The following AKT2 variants were observed in gnomAD, a reference collection of about 807,000 sequenced individuals.
AKT2 encodes the protein AKT serine/threonine kinase 2.
AKT2 carries 16 observed loss-of-function variants against 58.6 expected under a neutral mutation model. The observed-to-expected ratio is 0.27, with a 90% confidence interval of 0.18 to 0.41. The LOEUF (loss-of-function observed/expected upper bound fraction) is 0.41. AKT2 is among the 10% of genes least tolerant of loss of function. AKT2 has a pLI of 1.00. For missense variants in AKT2, 438 were observed against 661.0 expected (o/e 0.66, Z 3.70); for synonymous variants, 253 against 254.0 (o/e 1.00, Z 0.04).
At chr19:40,272,358 G>A (rs368222695) in intron 1 of AKT2, among the ~76,000 whole-genome samples, 1 of 152,158 alleles carries the variant, frequency 6.6e-6, no homozygotes, top group Non-Finnish European at 1.5e-5. Flanking sequence ...CTAATGCAGG[G>A]AAGGGCTCAG....
Position 40,236,243 on chromosome 19 carries a change from C to A in AKT2, c.960+14G>T. The A allele has an allele frequency of 6.2e-7, 1 of 1,613,722 alleles. No individual in the cohort carries two copies. On this transcript the variant is annotated intron_variant, in intron 10 of 13. Transcript: ENST00000392038. ...TTGGCCTCACACGTTCCTACCCCCA[C>A]CAACCCCAGACACCTCAGGCGCCAG... is the stretch of plus-strand genomic sequence containing the variant.
intron 1 of AKT2, among the ~76,000 whole-genome samples, chr19:40,270,239 G>A (rs1568566481): frequency 6.6e-6 from 1 of 152,178 alleles, no homozygotes; most frequent in African/African-American, 2.4e-5. Flanking sequence ...GTTACTGTAT[G>A]TGTTTGCTTA....
rs748494524 is a variant in AKT2 at position 40,238,471 on chromosome 19, G to A, written c.709-380C>T. On this transcript the variant is annotated intron_variant, in intron 8 of 13. Coordinates refer to ENST00000392038, the MANE Select transcript of AKT2 (RefSeq NM_001626.6). This position sits in a 1 kb window ranked among gnomAD's most constrained non-coding sequence, Gnocchi z 5.1. ...GTGCCAACCACTGCACAGAGAAGGC[G>A]CGAGGCAAGGAGTGGGTGACAAAAG... Among the ~76,000 whole-genome samples, 87 of 152,330 alleles carry A rather than the reference G, an allele frequency of 5.7e-4. No individual in the cohort carries two copies. Among genetic ancestry groups the A allele is most frequent in the Non-Finnish European group, 1.0e-3 (70 of 68,022 alleles).
At chr19:40,241,901 C>T (rs1458888250) in intron 6 of AKT2, 37 bp downstream of exon 6, 1 of 1,612,354 alleles carries the variant, frequency 6.2e-7, no homozygotes, top group African/African-American at 1.3e-5. Flanking sequence ...CCGCAGCCCC[C>T]ACAGAGGCTC....
intron 3 of AKT2, 132 bp downstream of exon 3, chr19:40,256,794 G>T: frequency 7.2e-7 from 1 of 1,386,660 alleles, no homozygotes; most frequent in Non-Finnish European, 1.0e-6. Context: ...GCAGGGGAAG[G>T]GTGAAAACAG....
chr19:40,257,082 G>C, intron 2 of AKT2, 28 bp from the exon 3 acceptor site: 1 of 1,613,366 alleles, frequency 6.2e-7, no homozygotes, highest in South Asian at 1.1e-5. Context: ...GGGAGGGAGA[G>C]AGGTTAGGAC....
chr19:40,258,022 G>A (rs1361454506), intron 2 of AKT2, among the ~76,000 whole-genome samples: 5 of 151,778 alleles, frequency 3.3e-5, no homozygotes, highest in Admixed American at 6.6e-5. Flanking sequence ...CGAGGCGAGC[G>A]GATCACCTGA....
chr19:40,277,217 T>C (rs1180492899), intron 1 of AKT2, among the ~76,000 whole-genome samples: 2 of 152,170 alleles, frequency 1.3e-5, no homozygotes. Flanking sequence ...CTAATGTTAC[T>C]GCTGTCACTA....
At position 40,233,717 on chromosome 19, in the gene AKT2, G is replaced by A; in HGVS notation, c.*155C>T. 1 of 811,584 alleles carries A rather than the reference G, an allele frequency of 1.2e-6. No homozygotes were observed. The highest frequency in any genetic ancestry group is 2.1e-6 in the Non-Finnish European group (1 of 467,490). The allele number at this position is 811,584 out of a possible 1,614,324, so 50.3% of individuals were successfully genotyped here. The stretch of plus-strand genomic sequence containing the variant: ...GGAGGCAGGGGCTGCAGGGGCCGCT[G>A]GGGTGCGTCTGGGAGGGGCCTGAAG... On this transcript the variant is annotated 3_prime_UTR_variant, in exon 14 of 14. Coordinates refer to ENST00000392038, the MANE Select transcript of AKT2 (RefSeq NM_001626.6). The surrounding 1 kb of genome is among the most constrained non-coding windows in gnomAD (Gnocchi z 4.3).
At chr19:40,249,897 G>T (rs1222998055) in intron 4 of AKT2, among the ~76,000 whole-genome samples, 1 of 152,246 alleles carries the variant, frequency 6.6e-6, no homozygotes, top group Non-Finnish European at 1.5e-5. Flanking sequence ...AGGCAGGGCA[G>T]GACGCACTGG....
chr19:40,264,150 G>A lies in AKT2; in HGVS notation c.46+1072C>T, dbSNP rs564940613. 9.2e-5 allele frequency among the ~76,000 whole-genome samples: 14 copies of A among 152,302 alleles called. No individual in the cohort carries two copies. The South Asian group carries it at 2.5e-3, about 27-fold the overall frequency. On this transcript the variant is annotated intron_variant, in intron 2 of 13. Coordinates refer to ENST00000392038, the MANE Select transcript of AKT2 (RefSeq NM_001626.6). Reference sequence around the variant, plus strand: ...CTGGCCCACAGGCGCTGCTCAGCACGTGTTTGCTGAATGAATGCAAGTGCA... The same window carrying A: ...CTGGCCCACAGGCGCTGCTCAGCACATGTTTGCTGAATGAATGCAAGTGCA...
intron 2 of AKT2, among the ~76,000 whole-genome samples, chr19:40,260,035 C>G (rs1165713805): frequency 1.3e-5 from 2 of 152,070 alleles, no homozygotes; most frequent in East Asian, 1.9e-4. Context: ...TGCCTATAGT[C>G]CCAGTGCTTG....
chr19:40,285,245 T>C lies in AKT2; in HGVS notation c.-149A>G. The C allele has an allele frequency of 2.5e-6, 1 of 395,324 alleles. No homozygotes were observed. Among genetic ancestry groups the C allele is most frequent in the Admixed American group, 4.4e-5 (1 of 22,590 alleles). 24.5% of individuals were successfully genotyped at this position (395,324 alleles called of 1,614,324 possible). On this transcript the variant is annotated 5_prime_UTR_variant, in exon 1 of 14. Coordinates refer to ENST00000392038, the MANE Select transcript of AKT2 (RefSeq NM_001626.6). ...ACCCCCGCCCATCGCCACGCTGCGC[T>C]GGTTCCCTTTCCTTGTGTTTCCCGG...
chr19:40,246,041 C>A (rs1423211731), intron 4 of AKT2, among the ~76,000 whole-genome samples: 3 of 119,326 alleles, frequency 2.5e-5, no homozygotes, highest in African/African-American at 9.8e-5. Context: ...CCCTTAGGAA[C>A]AAATTACAGC....
chr19:40,252,040 G>C (rs1352591481), intron 4 of AKT2, among the ~76,000 whole-genome samples: 5 of 152,192 alleles, frequency 3.3e-5, no homozygotes, highest in Non-Finnish European at 1.5e-5. Flanking sequence ...GGTCTCTCCA[G>C]CTGGAGAGGC....
At chr19:40,278,176 T>C (rs904821782) in intron 1 of AKT2, among the ~76,000 whole-genome samples, 4 of 152,222 alleles carry the variant, frequency 2.6e-5, no homozygotes, top group African/African-American at 2.4e-5. Context: ...ACTCCAGTCA[T>C]AGCAGGCAGG....
rs779546086 is a variant in AKT2, at chr19:40,233,959, C to A, written c.1367-8G>T. On this transcript the variant is annotated splice_region_variant and splice_polypyrimidine_tract_variant and intron_variant, in intron 13 of 13. Transcript: ENST00000392038. This position sits in a 1 kb window ranked among gnomAD's most constrained non-coding sequence, Gnocchi z 4.3. Reference sequence around the variant, plus strand: ...GTAAGCCCAGGCTGTCATCTGTGGGCGGCAGAGGTGGATGGGGAGGACCAG... The same window carrying A: ...GTAAGCCCAGGCTGTCATCTGTGGGAGGCAGAGGTGGATGGGGAGGACCAG... The A allele has an allele frequency of 8.1e-6, 13 of 1,609,654 alleles. No homozygotes were observed. The highest frequency in any genetic ancestry group is 1.0e-5 in the Non-Finnish European group (12 of 1,179,736).
intron 3 of AKT2, 73 bp downstream of exon 3, chr19:40,256,853 T>A: frequency 6.2e-7 from 1 of 1,606,214 alleles, no homozygotes; most frequent in Non-Finnish European, 8.5e-7. Flanking sequence ...AATGACCAAG[T>A]CCCACAAGCC....
rs991689838 is a variant in AKT2, at chr19:40,233,226, A to T, written c.*646T>A. On this transcript the variant is annotated 3_prime_UTR_variant, in exon 14 of 14. Coordinates refer to ENST00000392038, the MANE Select transcript of AKT2 (RefSeq NM_001626.6). The surrounding 1 kb of genome is among the most constrained non-coding windows in gnomAD (Gnocchi z 4.3). ...GGAGGAGGCCGGACCAGGAGGCGGC[A>T]CCCAGCCCGGCCACTCCTGGTTCCC... is the stretch of plus-strand genomic sequence containing the variant. 2.3e-5 allele frequency: 6 copies of T among 263,894 alleles called. No individual in the cohort carries two copies. Among genetic ancestry groups the T allele is most frequent in the Non-Finnish European group, 2.9e-5 (4 of 136,814 alleles). The allele number at this position is 263,894 out of a possible 1,614,324, so 16.3% of individuals were successfully genotyped here. A position where few individuals can be genotyped will look rare whatever the true frequency, so the allele number is the denominator to read the frequency against.
Sources: gnomAD v4.1 joint callset for allele counts (sites outside exome capture counted in the v4.1 genomes callset) on GRCh38, gnomAD v4.1.1 for gene constraint, Gnocchi (gnomAD v3.1) non-coding constraint, MANE v1.5 for transcripts, NCBI Gene and HGNC (gene_info 2026-07-23, HGNC 2026-07-21) for gene names.